The following CDH17 variants were observed in gnomAD, a reference collection of about 807,000 sequenced individuals.
CDH17 encodes cadherin 17, also known as cadherin-17.
In CDH17, 67 loss-of-function variants were observed where a neutral mutation model predicts 86.3. That is an observed-to-expected ratio of 0.78 (90% CI 0.64 to 0.95). CDH17 has a LOEUF of 0.95. CDH17 is among the 40% of genes least tolerant of loss of function. CDH17 has a pLI of 0.00. For synonymous variants in CDH17, 367 were observed against 366.4 expected (o/e 1.00, Z -0.02); for missense variants, 993 against 1,017.6 (o/e 0.98, Z 0.33).
chr8:94,185,378 A>C (rs1813560472), intron 3 of CDH17, among the ~76,000 whole-genome samples: 1 of 152,108 alleles, frequency 6.6e-6, no homozygotes, highest in South Asian at 2.1e-4. Flanking sequence ...AGAAGGGATA[A>C]CTTTGCAGCA....
chr8:94,183,515 CA>C (rs1813521461), intron 3 of CDH17, among the ~76,000 whole-genome samples: 1 of 151,822 alleles, frequency 6.6e-6, no homozygotes, highest in Non-Finnish European at 1.5e-5. Context: ...TATCCACATG[CA>C]AAAGAATGAA....
At chr8:94,162,789 T>C (rs966010888) in intron 10 of CDH17, among the ~76,000 whole-genome samples, 1 of 152,154 alleles carries the variant, frequency 6.6e-6, no homozygotes, top group Non-Finnish European at 1.5e-5. Context: ...GTTTCACAAT[T>C]CCAAGACCTA....
rs370041892 is a variant in CDH17 at position 94,189,285 on chromosome 8, C to A, written c.52G>T (p.Ala18Ser). 6.3e-7 allele frequency: 1 copy of A among 1,597,318 alleles called. No individual in the cohort carries two copies. The highest frequency in any genetic ancestry group is 8.5e-7 in the Non-Finnish European group (1 of 1,174,724). The change falls in exon 3 of 18, where the codon GCA becomes TCA. Residue 18 changes from alanine (A) to serine (S), a missense_variant and splice_region_variant. Physicochemically the swap from Ala to Ser is moderately conservative, Grantham distance 99. Transcript: ENST00000027335. ...TTCCCCTCTTGGCCATATCCAGTTGCCTGTTAAAAAAGAAAGAGAAAATTA... is the reference window on the plus strand; with the variant it reads ...TTCCCCTCTTGGCCATATCCAGTTGACTGTTAAAAAAGAAAGAGAAAATTA... Reference protein sequence around the residue: ...HSLCLLMLYLATGYGQEGKFS... With the variant: ...HSLCLLMLYLSTGYGQEGKFS...
At chr8:94,133,988 C>T (rs1812470951) in intron 15 of CDH17, among the ~76,000 whole-genome samples, 1 of 152,176 alleles carries the variant, frequency 6.6e-6, no homozygotes, top group Non-Finnish European at 1.5e-5. Context: ...ACCAGCCTTG[C>T]ATCCCAGGGA....
intron 1 of CDH17, among the ~76,000 whole-genome samples, chr8:94,198,140 C>CATGT (rs958520936): frequency 1.3e-5 from 2 of 152,042 alleles, no homozygotes; most frequent in Non-Finnish European, 2.9e-5. Context: ...ATACAAATAT[C>CATGT]ATGTATGTAT....
intron 9 of CDH17, among the ~76,000 whole-genome samples, chr8:94,166,563 G>A (rs999530776): frequency 2.6e-5 from 4 of 151,988 alleles, no homozygotes; most frequent in East Asian, 1.9e-4. Flanking sequence ...TGGGGGGCAC[G>A]GGGACACATT....
At chr8:94,139,953 A>ATGTC (rs1276402608) in intron 15 of CDH17, among the ~76,000 whole-genome samples, 4 of 152,184 alleles carry the variant, frequency 2.6e-5, no homozygotes, top group African/African-American at 9.6e-5. Flanking sequence ...GAAAGAAAAA[A>ATGTC]TGTCTAAATA....
At chr8:94,203,466 T>C (rs1370679643) in intron 1 of CDH17, among the ~76,000 whole-genome samples, 2 of 152,172 alleles carry the variant, frequency 1.3e-5, no homozygotes, top group Non-Finnish European at 2.9e-5. Flanking sequence ...TCCTCCTCAC[T>C]GTATATTGCT....
chr8:94,211,917 T>C (rs1300628306), upstream of CDH17, among the ~76,000 whole-genome samples: 1 of 152,198 alleles, frequency 6.6e-6, no homozygotes, highest in Non-Finnish European at 1.5e-5. Context: ...ATAGTCATGA[T>C]TACCTGCAGG....
chr8:94,202,997 T>G (rs1358721410), intron 1 of CDH17: 1 of 276,976 alleles, frequency 3.6e-6, no homozygotes, highest in Non-Finnish European at 6.9e-6. Flanking sequence ...CAAAGCCTTG[T>G]TAGCTTCAGG....
At chr8:94,166,307 C>T (rs1813155090) in intron 9 of CDH17, among the ~76,000 whole-genome samples, 1 of 152,168 alleles carries the variant, frequency 6.6e-6, no homozygotes, top group South Asian at 2.1e-4. Flanking sequence ...CTGTCTTTTC[C>T]TTCCGGTGCC....
chr8:94,168,318 TAGTA>T (rs1322598342), intron 9 of CDH17, among the ~76,000 whole-genome samples: 1 of 140,552 alleles, frequency 7.1e-6, no homozygotes, highest in African/African-American at 2.7e-5. Flanking sequence ...TTTTTTTTTT[TAGTA>T]GAGACAGGGT....
rs916959973 is a variant in CDH17 at position 94,152,889 on chromosome 8, A to G, written c.1552-777T>C. On this transcript the variant is annotated intron_variant, in intron 12 of 17. Transcript: ENST00000027335. ...TGCCATGTTGGCCAGGCTGGTCTCA[A>G]ATTCCTGACCTCAAGTGACCCACCC... Among the ~76,000 whole-genome samples, 7 of 152,176 alleles carry G rather than the reference A, an allele frequency of 4.6e-5. No individual in the cohort carries two copies. The South Asian group carries it at 1.4e-3, about 31-fold the overall frequency.
chr8:94,180,463 T>C (rs1586266421), intron 3 of CDH17, among the ~76,000 whole-genome samples: 1 of 152,054 alleles, frequency 6.6e-6, no homozygotes, highest in Non-Finnish European at 1.5e-5. Context: ...CTCAAAGAAA[T>C]CCAAATTTAG....
intron 1 of CDH17, among the ~76,000 whole-genome samples, chr8:94,199,037 TGATATATATA>T (rs1327982818): frequency 1.5e-3 from 125 of 84,392 alleles, no homozygotes; most frequent in African/African-American, 7.1e-3. Flanking sequence ...CAGTTCTGAT[TGATATATATA>T]TATATATATA....
chr8:94,159,057 A>G (rs919401243), intron 12 of CDH17, among the ~76,000 whole-genome samples: 3 of 152,162 alleles, frequency 2.0e-5, no homozygotes, highest in Non-Finnish European at 4.4e-5. Flanking sequence ...TCTCTTTCCT[A>G]GGAAAGTATC....
At chr8:94,195,657 A>T (rs1813771260) in intron 1 of CDH17, among the ~76,000 whole-genome samples, 1 of 152,164 alleles carries the variant, frequency 6.6e-6, no homozygotes, top group Admixed American at 6.5e-5. Flanking sequence ...TGTCATGACT[A>T]ATTGATTTTA....
intron 15 of CDH17, among the ~76,000 whole-genome samples, chr8:94,135,360 A>G (rs1482126376): frequency 6.6e-6 from 1 of 152,146 alleles, no homozygotes; most frequent in Non-Finnish European, 1.5e-5. Flanking sequence ...GTGCATATAT[A>G]TTTAGGATAG....
intron 13 of CDH17, 148 bp from the exon 14 acceptor site, chr8:94,149,022 A>G (rs1812807521): frequency 1.9e-6 from 1 of 517,030 alleles, no homozygotes; most frequent in South Asian, 3.6e-5. Context: ...TATCATTATC[A>G]GCATTACTTG....
Sources: allele counts gnomAD v4.1 joint callset (sites outside exome capture counted in the v4.1 genomes callset), GRCh38; gene constraint gnomAD v4.1.1; transcripts MANE v1.5; gene names NCBI Gene and HGNC (gene_info 2026-07-23, HGNC 2026-07-21).